SGCZ: variants seen among roughly 807,000 people sequenced by gnomAD.
SGCZ encodes the protein sarcoglycan zeta, also known as zeta-sarcoglycan.
In SGCZ, 40 loss-of-function variants were observed where a neutral mutation model predicts 41.3. The observed-to-expected ratio is 0.97, with a 90% CI of 0.75 to 1.26. The LOEUF (loss-of-function observed/expected upper bound fraction) is 1.26. SGCZ is among the 50% of genes most tolerant of loss of function. The pLI, the probability that SGCZ is intolerant of heterozygous loss-of-function variation, is 0.00. For synonymous variants in SGCZ, 206 were observed against 137.5 expected (o/e 1.50, Z -3.49); for missense variants, 552 against 369.8 (o/e 1.49, Z -4.04).
chr8:14,929,000 T>C (rs1199528516), intron 1 of SGCZ, among the ~76,000 whole-genome samples: 3 of 152,168 alleles, frequency 2.0e-5, no homozygotes, highest in Non-Finnish European at 2.9e-5. Flanking sequence ...TACTTACTTA[T>C]TTATTTTTTC....
intron 1 of SGCZ, among the ~76,000 whole-genome samples, chr8:15,040,688 T>G (rs914107437): frequency 6.6e-6 from 1 of 152,222 alleles, no homozygotes; most frequent in African/African-American, 2.4e-5. Flanking sequence ...TCGTACTGCT[T>G]TTATTTGAAA....
chr8:14,746,768 T>G (rs1328995659), intron 1 of SGCZ, among the ~76,000 whole-genome samples: 1 of 152,198 alleles, frequency 6.6e-6, no homozygotes, highest in Non-Finnish European at 1.5e-5. Flanking sequence ...GGGTTTTTTG[T>G]GTGTTTGTGT....
chr8:15,217,862 C>A (rs111905706), intron 1 of SGCZ, among the ~76,000 whole-genome samples: 9 of 152,060 alleles, frequency 5.9e-5, no homozygotes, highest in Non-Finnish European at 4.4e-5. Flanking sequence ...CTGAGTTGGA[C>A]GGATCACTTG....
chr8:14,250,412 C>G (rs1363545744), intron 3 of SGCZ, among the ~76,000 whole-genome samples: 2 of 151,980 alleles, frequency 1.3e-5, no homozygotes, highest in Non-Finnish European at 2.9e-5. Flanking sequence ...TGCAGTTAAG[C>G]TACATTTTCT....
chr8:14,801,356 G>A (rs982152337), intron 1 of SGCZ, among the ~76,000 whole-genome samples: 1 of 151,972 alleles, frequency 6.6e-6, no homozygotes, highest in African/African-American at 2.4e-5. Context: ...ATTTTTATGA[G>A]GAAAAAATCC....
At chr8:14,420,808 C>A (rs1410604280) in intron 2 of SGCZ, among the ~76,000 whole-genome samples, 1 of 152,004 alleles carries the variant, frequency 6.6e-6, no homozygotes, top group East Asian at 1.9e-4. Flanking sequence ...TGTTTCTTTC[C>A]TCCTTTTATC....
chr8:14,996,880 G>A (rs535986367), intron 1 of SGCZ, among the ~76,000 whole-genome samples: 6 of 152,310 alleles, frequency 3.9e-5, no homozygotes, highest in African/African-American at 1.2e-4. Flanking sequence ...AACTTCTGCC[G>A]TGGCTTCTAC....
intron 1 of SGCZ, among the ~76,000 whole-genome samples, chr8:14,914,610 C>T (rs1056584192): frequency 6.6e-6 from 1 of 152,042 alleles, no homozygotes; most frequent in African/African-American, 2.4e-5. Context: ...TAACATCTAT[C>T]AGGAAAATAA....
rs1291958026 is a variant in SGCZ at position 14,560,111 on chromosome 8, G to A, written c.40-5185C>T. 2.6e-5 allele frequency among the ~76,000 whole-genome samples: 4 copies of A among 152,000 alleles called. No individual in the cohort carries two copies. In the East Asian group the frequency reaches 5.8e-4, roughly 22 times the overall value. Reference sequence around the variant, plus strand: ...GGTTAAGGTGTACAAAATACAGTTCGATAGAAGGGATGAGTTCTAGCATTT... The same window carrying A: ...GGTTAAGGTGTACAAAATACAGTTCAATAGAAGGGATGAGTTCTAGCATTT... On this transcript the variant is annotated intron_variant, in intron 1 of 7. Coordinates refer to ENST00000382080, the MANE Select transcript of SGCZ (RefSeq NM_139167.4).
At chr8:15,199,379 A>T (rs1174295108) in intron 1 of SGCZ, among the ~76,000 whole-genome samples, 1 of 152,178 alleles carries the variant, frequency 6.6e-6, no homozygotes, top group Non-Finnish European at 1.5e-5. Flanking sequence ...ATCCCCCATT[A>T]AATACAGAAT....
At chr8:14,777,898 CAAA>C (rs200331185) in intron 1 of SGCZ, among the ~76,000 whole-genome samples, 2 of 119,232 alleles carry the variant, frequency 1.7e-5, no homozygotes, top group Non-Finnish European at 3.7e-5. Context: ...AAATTATTTC[CAAA>C]AAAAAAAAAA....
At chr8:14,212,222 C>G (rs958230305) in intron 4 of SGCZ, among the ~76,000 whole-genome samples, 1 of 152,072 alleles carries the variant, frequency 6.6e-6, no homozygotes, top group Non-Finnish European at 1.5e-5. Context: ...TGGCTCCTCC[C>G]TTTGCTGGAT....
At chr8:14,755,435 T>TC (rs1309695772) in intron 1 of SGCZ, among the ~76,000 whole-genome samples, 1 of 151,504 alleles carries the variant, frequency 6.6e-6, no homozygotes, top group Admixed American at 6.6e-5. Context: ...CAGCTGGTTT[T>TC]TCATAAAACG....
At chr8:14,912,770 G>C (rs1253190715) in intron 1 of SGCZ, among the ~76,000 whole-genome samples, 1 of 152,022 alleles carries the variant, frequency 6.6e-6, no homozygotes, top group Non-Finnish European at 1.5e-5. Context: ...GAAGCTTCCA[G>C]AATTGATGAA....
intron 2 of SGCZ, among the ~76,000 whole-genome samples, chr8:14,357,647 A>C (rs894349820): frequency 9.2e-5 from 14 of 152,182 alleles, no homozygotes; most frequent in African/African-American, 3.4e-4. Flanking sequence ...AAAGTGATAA[A>C]ATGTCAAAGG....
intron 1 of SGCZ, among the ~76,000 whole-genome samples, chr8:15,073,903 C>T (rs975638374): frequency 1.3e-5 from 2 of 152,166 alleles, no homozygotes; most frequent in African/African-American, 4.8e-5. Context: ...TGTTTTACAT[C>T]AACAGCCTCT....
intron 1 of SGCZ, among the ~76,000 whole-genome samples, chr8:15,133,603 G>A (rs1807996821): frequency 1.3e-5 from 2 of 152,102 alleles, no homozygotes; most frequent in South Asian, 4.1e-4. Flanking sequence ...TCACTTGTAG[G>A]AGAAAACAAA....
At chr8:14,121,448 T>TTAAAG (rs1262777621) in intron 5 of SGCZ, among the ~76,000 whole-genome samples, 4 of 152,150 alleles carry the variant, frequency 2.6e-5, no homozygotes, top group African/African-American at 9.6e-5. Context: ...ATGCTCTTTT[T>TTAAAG]TAAAGTACCC....
chr8:14,270,172 A>G (rs1800011291), intron 3 of SGCZ, among the ~76,000 whole-genome samples: 1 of 151,938 alleles, frequency 6.6e-6, no homozygotes. Flanking sequence ...TGTTCTATGA[A>G]TAATAAAAAA....
Sources: gnomAD v4.1 joint callset for allele counts (sites outside exome capture counted in the v4.1 genomes callset) on GRCh38, gnomAD v4.1.1 for gene constraint, MANE v1.5 for transcripts, NCBI Gene and HGNC (gene_info 2026-07-23, HGNC 2026-07-21) for gene names.